HHAT: variants seen among roughly 807,000 people sequenced by gnomAD.
The protein encoded by HHAT is protein-cysteine N-palmitoyltransferase HHAT.
Under a neutral mutation model 70.8 loss-of-function variants are expected in HHAT, and 47 were observed. The observed-to-expected ratio is 0.66, with a 90% CI of 0.53 to 0.85. The LOEUF is 0.85. Ranked by LOEUF, HHAT falls within the 40% of genes least tolerant of loss-of-function variation. The probability of loss-of-function intolerance (pLI) is 0.00; values close to 1 mark genes in which losing one functional copy is unlikely to be tolerated. For synonymous variants in HHAT, 228 were observed against 247.6 expected (o/e 0.92, Z 0.74); for missense variants, 609 against 604.8 (o/e 1.01, Z -0.07).
At chr1:210,358,023 C>T (rs896507711) in intron 2 of HHAT, among the ~76,000 whole-genome samples, 1 of 152,140 alleles carries the variant, frequency 6.6e-6, no homozygotes, top group Non-Finnish European at 1.5e-5. Context: ...GTGTTGGCTT[C>T]CAGGTAATCT....
chr1:210,503,094 G>GTGCCAT (rs2094790717), intron 8 of HHAT, among the ~76,000 whole-genome samples: 1 of 152,064 alleles, frequency 6.6e-6, no homozygotes, highest in Non-Finnish European at 1.5e-5. Context: ...CGAGTAGCTA[G>GTGCCAT]GACTACAGGC....
chr1:210,482,949 G>A (rs570150883), intron 8 of HHAT, among the ~76,000 whole-genome samples: 14 of 152,244 alleles, frequency 9.2e-5, no homozygotes, highest in African/African-American at 2.4e-4. Context: ...CTCAGCTTCT[G>A]TCTTGGATTC....
intron 1 of HHAT, among the ~76,000 whole-genome samples, chr1:210,340,209 C>T (rs1204530441): frequency 7.1e-6 from 1 of 141,680 alleles, no homozygotes. Context: ...GCAGCACACT[C>T]CGGCCTGGGG....
At chr1:210,590,110 A>G (rs1199828348) in intron 10 of HHAT, 1 of 152,162 alleles carries the variant, frequency 6.6e-6, no homozygotes, top group African/African-American at 2.4e-5. Flanking sequence ...TCAGTGTTAA[A>G]TCAGTGCACA....
intron 11 of HHAT, among the ~76,000 whole-genome samples, chr1:210,627,314 C>A (rs1670002658): frequency 6.6e-6 from 1 of 152,162 alleles, no homozygotes; most frequent in Non-Finnish European, 1.5e-5. Context: ...CCCAGGGAGC[C>A]CTCTCCTGGC....
At chr1:210,404,387 T>A in intron 5 of HHAT, 77 bp from the exon 6 acceptor site, 1 of 1,141,186 alleles carries the variant, frequency 8.8e-7, no homozygotes. Flanking sequence ...GTGGCCCTGC[T>A]GGCCAGCACC....
At chr1:210,381,185 T>C (rs2090607837) in intron 3 of HHAT, among the ~76,000 whole-genome samples, 3 of 152,010 alleles carry the variant, frequency 2.0e-5, no homozygotes, top group South Asian at 4.2e-4. Context: ...CTAATTGATA[T>C]GCTGTGATTG....
intron 1 of HHAT, among the ~76,000 whole-genome samples, chr1:210,343,611 C>T (rs1034881749): frequency 1.3e-5 from 2 of 152,160 alleles, no homozygotes; most frequent in African/African-American, 2.4e-5. Flanking sequence ...TACTGCCTGT[C>T]ATTCCCTTGG....
intron 2 of HHAT, among the ~76,000 whole-genome samples, chr1:210,352,023 C>T (rs966342123): frequency 6.6e-6 from 1 of 152,074 alleles, no homozygotes; most frequent in Admixed American, 6.5e-5. Flanking sequence ...CACTGAGGCT[C>T]AAAAGTATTA....
intron 5 of HHAT, among the ~76,000 whole-genome samples, chr1:210,402,924 T>TC (rs2092147890): frequency 6.6e-6 from 1 of 152,200 alleles, no homozygotes. Flanking sequence ...TCTATTCTAT[T>TC]CCCCATCTCT....
intron 8 of HHAT, among the ~76,000 whole-genome samples, chr1:210,485,326 T>C (rs766611714): frequency 7.9e-5 from 12 of 152,298 alleles, no homozygotes; most frequent in Non-Finnish European, 1.3e-4. Flanking sequence ...CTCCTCTCTG[T>C]AGACTCAGGG....
chr1:210,637,378 A>C (rs1672070298), intron 11 of HHAT, among the ~76,000 whole-genome samples: 1 of 152,248 alleles, frequency 6.6e-6, no homozygotes. Context: ...ATGACACCAA[A>C]GATACAAGTA....
At chr1:210,514,627 T>C (rs2095022986) in intron 9 of HHAT, among the ~76,000 whole-genome samples, 1 of 152,162 alleles carries the variant, frequency 6.6e-6, no homozygotes, top group Non-Finnish European at 1.5e-5. Flanking sequence ...CTATCAATGA[T>C]TAGATTCAGA....
At chr1:210,366,337 A>AT (rs1224664892) in intron 3 of HHAT, among the ~76,000 whole-genome samples, 1 of 152,170 alleles carries the variant, frequency 6.6e-6, no homozygotes, top group Non-Finnish European at 1.5e-5. Context: ...AGCCTTAACA[A>AT]TTTTAAAAAG....
chr1:210,387,673 A>G, intron 4 of HHAT, 92 bp downstream of exon 4: 1 of 904,564 alleles, frequency 1.1e-6, no homozygotes, highest in Non-Finnish European at 1.8e-6. Context: ...AGACTTGGAT[A>G]TTAGCACTGG....
chr1:210,537,893 A>T (rs1187037234), intron 9 of HHAT, among the ~76,000 whole-genome samples: 1 of 152,170 alleles, frequency 6.6e-6, no homozygotes, highest in Non-Finnish European at 1.5e-5. Flanking sequence ...AGTCATTTGA[A>T]GTTCTCCTTT....
intron 8 of HHAT, among the ~76,000 whole-genome samples, chr1:210,490,045 TAAAAAA>T (rs949257799): frequency 2.8e-4 from 42 of 152,108 alleles, no homozygotes; most frequent in African/African-American, 8.7e-4. Context: ...CCATTTGAGT[TAAAAAA>T]GAAAAAAAAG....
chr1:210,406,194 C>A (rs1326069875), intron 6 of HHAT, among the ~76,000 whole-genome samples: 1 of 152,126 alleles, frequency 6.6e-6, no homozygotes, highest in African/African-American at 2.4e-5. Context: ...AGTTTGCCAG[C>A]CAATAACTTT....
chr1:210,543,570 G>A (rs183806953), intron 9 of HHAT, among the ~76,000 whole-genome samples: 25 of 152,096 alleles, frequency 1.6e-4, no homozygotes, highest in African/African-American at 5.5e-4. Context: ...CTCCAATCTG[G>A]GCCATAGAGT....
Sources: allele counts gnomAD v4.1 joint callset (sites outside exome capture counted in the v4.1 genomes callset), GRCh38; gene constraint gnomAD v4.1.1; transcripts MANE v1.5; gene names NCBI Gene and HGNC (gene_info 2026-07-23, HGNC 2026-07-21).